The following PLCB1 variants were observed in gnomAD, a reference collection of about 807,000 sequenced individuals.
The protein encoded by PLCB1 is phospholipase C beta 1, also known as 1-phosphatidylinositol 4,5-bisphosphate phosphodiesterase beta-1.
In PLCB1, 46 loss-of-function variants were observed where a neutral mutation model predicts 161.8. That is an observed-to-expected ratio of 0.28 (90% CI 0.22 to 0.36). The LOEUF is 0.36. PLCB1 is among the 10% of genes least tolerant of loss of function. The pLI is 1.00. For synonymous variants in PLCB1, 517 were observed against 503.7 expected (o/e 1.03, Z -0.35); for missense variants, 1,016 against 1,472.5 (o/e 0.69, Z 5.07).
intron 27 of PLCB1, among the ~76,000 whole-genome samples, chr20:8,787,541 A>G (rs1983548203): frequency 6.6e-6 from 1 of 152,228 alleles, no homozygotes; most frequent in South Asian, 2.1e-4. Flanking sequence ...GGATGTCCAC[A>G]CTGTCTATTG....
intron 3 of PLCB1, among the ~76,000 whole-genome samples, chr20:8,537,002 C>A (rs551974465): frequency 6.6e-6 from 1 of 152,262 alleles, no homozygotes; most frequent in South Asian, 2.1e-4. Flanking sequence ...ATAAAAATAT[C>A]TACCTACAGA....
At chr20:8,643,102 G>A (rs1989008363) in intron 4 of PLCB1, among the ~76,000 whole-genome samples, 1 of 152,160 alleles carries the variant, frequency 6.6e-6, no homozygotes, top group East Asian at 1.9e-4. Flanking sequence ...ATTCTGTACT[G>A]TCTTTTTAAG....
chr20:8,282,943 A>G (rs1220455942), intron 2 of PLCB1, among the ~76,000 whole-genome samples: 1 of 107,812 alleles, frequency 9.3e-6, no homozygotes, highest in African/African-American at 4.5e-5. Context: ...CTACTCTGAG[A>G]TAATTAGGCA....
At chr20:8,466,480 TA>T (rs372327328) in intron 3 of PLCB1, among the ~76,000 whole-genome samples, 8 of 150,152 alleles carry the variant, frequency 5.3e-5, no homozygotes, top group East Asian at 3.9e-4. Flanking sequence ...TAATAATAAT[TA>T]AAAAAAAACA....
At chr20:8,170,911 T>C (rs1415184411) in intron 2 of PLCB1, among the ~76,000 whole-genome samples, 1 of 152,206 alleles carries the variant, frequency 6.6e-6, no homozygotes, top group Non-Finnish European at 1.5e-5. Flanking sequence ...AACCTCATAT[T>C]GATGTGGCAA....
At chr20:8,473,057 A>T (rs1256733081) in intron 3 of PLCB1, among the ~76,000 whole-genome samples, 1 of 152,120 alleles carries the variant, frequency 6.6e-6, no homozygotes, top group Non-Finnish European at 1.5e-5. Flanking sequence ...TCACCAGTGG[A>T]AGGTTTCTGT....
intron 11 of PLCB1, among the ~76,000 whole-genome samples, chr20:8,698,639 G>A (rs952955548): frequency 1.3e-5 from 2 of 152,160 alleles, no homozygotes; most frequent in Non-Finnish European, 2.9e-5. Context: ...GTTGTAGGGA[G>A]CTGGAGTGTC....
chr20:8,519,294 C>A (rs767433808), intron 3 of PLCB1, among the ~76,000 whole-genome samples: 1 of 151,886 alleles, frequency 6.6e-6, no homozygotes, highest in Non-Finnish European at 1.5e-5. Context: ...TAGTAGACAA[C>A]GTGTGTGAGT....
chr20:8,536,159 A>G (rs1018303858), intron 3 of PLCB1, among the ~76,000 whole-genome samples: 5 of 152,152 alleles, frequency 3.3e-5, no homozygotes, highest in African/African-American at 1.2e-4. Context: ...ATGAGGGGAT[A>G]ATGGAGAAAC....
intron 4 of PLCB1, among the ~76,000 whole-genome samples, chr20:8,636,503 C>G (rs1180301251): frequency 6.6e-6 from 1 of 152,146 alleles, no homozygotes; most frequent in African/African-American, 2.4e-5. Context: ...CATCGTCTAT[C>G]TGGAACATTT....
intron 3 of PLCB1, among the ~76,000 whole-genome samples, chr20:8,395,382 A>C (rs1987740819): frequency 6.6e-6 from 1 of 152,090 alleles, no homozygotes; most frequent in South Asian, 2.1e-4. Context: ...TATGGATACC[A>C]GATGAAAATC....
chr20:8,507,846 A>G (rs975688573), intron 3 of PLCB1, among the ~76,000 whole-genome samples: 1 of 152,240 alleles, frequency 6.6e-6, no homozygotes, highest in Non-Finnish European at 1.5e-5. Flanking sequence ...TAAGAAAAAT[A>G]CATTATTATC....
intron 31 of PLCB1, 39 bp from the exon 32 acceptor site, chr20:8,881,583 A>AAAC: frequency 6.7e-7 from 1 of 1,502,006 alleles, no homozygotes; most frequent in South Asian, 1.1e-5. Context: ...ATAGAAACAT[A>AAAC]AACAACTTCA....
chr20:8,738,986 C>A (rs1234212759), intron 20 of PLCB1, among the ~76,000 whole-genome samples: 1 of 152,080 alleles, frequency 6.6e-6, no homozygotes, highest in Admixed American at 6.6e-5. Context: ...GCTGTCTCTA[C>A]TAAAAAAGTA....
intron 2 of PLCB1, among the ~76,000 whole-genome samples, chr20:8,176,278 G>T (rs370436381): frequency 6.6e-6 from 1 of 152,148 alleles, no homozygotes; most frequent in Non-Finnish European, 1.5e-5. Context: ...AATAAAGATG[G>T]CATGTCCATA....
chr20:8,244,709 A>G (rs1980791671), intron 2 of PLCB1, among the ~76,000 whole-genome samples: 1 of 151,902 alleles, frequency 6.6e-6, no homozygotes, highest in South Asian at 2.1e-4. Flanking sequence ...CCCCATGTAT[A>G]TGCTATACCG....
chr20:8,878,378 A>G (rs1379608011), intron 31 of PLCB1, among the ~76,000 whole-genome samples: 43 of 152,252 alleles, frequency 2.8e-4, no homozygotes, highest in Admixed American at 2.8e-3. Flanking sequence ...CTAAGATTTC[A>G]TTCATGCAAA....
chr20:8,349,036 A>T (rs1015007029), intron 2 of PLCB1, among the ~76,000 whole-genome samples: 2 of 152,180 alleles, frequency 1.3e-5, no homozygotes, highest in Non-Finnish European at 2.9e-5. Context: ...ATATATACAC[A>T]CACACATAAA....
At chr20:8,650,491 G>A (rs911080393) in intron 7 of PLCB1, among the ~76,000 whole-genome samples, 2 of 152,174 alleles carry the variant, frequency 1.3e-5, no homozygotes, top group African/African-American at 4.8e-5. Flanking sequence ...CTGCTACTCT[G>A]AGCACACTGC....
Sources: gnomAD v4.1 joint callset for allele counts (sites outside exome capture counted in the v4.1 genomes callset) on GRCh38, gnomAD v4.1.1 for gene constraint, MANE v1.5 for transcripts, NCBI Gene and HGNC (gene_info 2026-07-23, HGNC 2026-07-21) for gene names.